NRP2: variants seen among roughly 807,000 people sequenced by gnomAD.
The protein encoded by NRP2 is neuropilin-2.
In NRP2, 52 loss-of-function variants were observed where a neutral mutation model predicts 110.4. The ratio of observed to expected loss-of-function variants is 0.47; its 90% confidence interval spans 0.38 to 0.59. The LOEUF (loss-of-function observed/expected upper bound fraction) is 0.59. NRP2 is among the 20% of genes least tolerant of loss of function. The pLI, the probability that NRP2 is intolerant of heterozygous loss-of-function variation, is 0.00. For synonymous variants in NRP2, 508 were observed against 468.9 expected (o/e 1.08, Z -1.08); for missense variants, 1,049 against 1,203.0 (o/e 0.87, Z 1.89).
At chr2:205,749,279 C>CCA (rs1465051248) in intron 10 of NRP2, among the ~76,000 whole-genome samples, 1 of 152,190 alleles carries the variant, frequency 6.6e-6, no homozygotes, top group Non-Finnish European at 1.5e-5. Context: ...CTTGAACTTG[C>CCA]CACACCCTGA....
chr2:205,740,176 G>T (rs1292410644), intron 7 of NRP2, among the ~76,000 whole-genome samples: 4 of 152,146 alleles, frequency 2.6e-5, no homozygotes, highest in South Asian at 4.1e-4. Context: ...CCTAAAAGAT[G>T]ATATTTTTAC....
intron 15 of NRP2, among the ~76,000 whole-genome samples, chr2:205,789,398 G>A (rs752996463): frequency 9.9e-5 from 15 of 152,052 alleles, no homozygotes; most frequent in South Asian, 4.1e-4. Context: ...TAGAGGTTTG[G>A]CCCATTCCAC....
At chr2:205,697,919 T>A in intron 2 of NRP2, 198 bp downstream of exon 2, 2 of 646,664 alleles carry the variant, frequency 3.1e-6, no homozygotes, top group Admixed American at 2.4e-5. Context: ...CACAGTATGG[T>A]GGAAAGAGCC....
chr2:205,791,306 C>T (rs2058299042), intron 15 of NRP2, among the ~76,000 whole-genome samples: 1 of 152,176 alleles, frequency 6.6e-6, no homozygotes, highest in Admixed American at 6.5e-5. Flanking sequence ...TCTGAGAGGG[C>T]CATACACATT....
chr2:205,734,402 C>A lies in NRP2; in HGVS notation c.1147-6117C>A, dbSNP rs528710550. Among the ~76,000 whole-genome samples, 4 of 139,856 alleles carry A rather than the reference C, an allele frequency of 2.9e-5. No individual in the cohort carries two copies. The East Asian group carries it at 7.9e-4, about 28-fold the overall frequency. The allele number at this position is 139,856 out of a possible 152,430, so 91.8% of individuals were successfully genotyped here. ...TGCCTTCATATCATTTCCCACCGCCCCCCCCCACCCCGCATCGCAACAGTT... is the reference window on the plus strand; with the variant it reads ...TGCCTTCATATCATTTCCCACCGCCACCCCCCACCCCGCATCGCAACAGTT... On this transcript the variant is annotated intron_variant, in intron 7 of 16. Coordinates refer to ENST00000357785, the MANE Select transcript of NRP2 (RefSeq NM_003872.3).
chr2:205,688,751 A>G (rs2056234571), intron 1 of NRP2, among the ~76,000 whole-genome samples: 1 of 152,126 alleles, frequency 6.6e-6, no homozygotes, highest in African/African-American at 2.4e-5. Flanking sequence ...TGAAAATGCT[A>G]CTCCTATCCA....
At chr2:205,708,036 T>C (rs1417719272) in intron 2 of NRP2, among the ~76,000 whole-genome samples, 2 of 152,204 alleles carry the variant, frequency 1.3e-5, no homozygotes, top group Admixed American at 6.5e-5. Flanking sequence ...CCTGCTGGGA[T>C]TCACCTTTAC....
chr2:205,722,577 C>T lies in NRP2; in HGVS notation c.533C>T (p.Thr178Ile), dbSNP rs1254868886. Residue 178 changes from threonine to isoleucine, a missense_variant, in exon 4 of 17, where the codon ACC (threonine) becomes ATC (isoleucine). Physicochemically the swap from Thr to Ile is moderately conservative, Grantham distance 89 (BLOSUM62 -1). Transcript: ENST00000357785. ...CCACACAACTTGGACTGCACCTTTACCATCCTGGCCAAACCCAAGATGGAG... is the reference window on the plus strand; with the variant it reads ...CCACACAACTTGGACTGCACCTTTATCATCCTGGCCAAACCCAAGATGGAG... ...KYPHNLDCTF[T>I]ILAKPKMEII... The T allele has an allele frequency of 6.2e-7, 1 of 1,614,196 alleles. No individual in the cohort carries two copies. Among genetic ancestry groups the T allele is most frequent in the Admixed American group, 1.7e-5 (1 of 60,020 alleles).
chr2:205,794,259 C>T (rs992175278), intron 16 of NRP2, among the ~76,000 whole-genome samples: 24 of 152,058 alleles, frequency 1.6e-4, no homozygotes, highest in Non-Finnish European at 2.9e-4. Flanking sequence ...TACAGGCGCC[C>T]GCCACCACGC....
chr2:205,767,496 G>T (rs560246302), intron 15 of NRP2: 3 of 495,966 alleles, frequency 6.0e-6, no homozygotes, highest in Non-Finnish European at 1.2e-5. Flanking sequence ...CTGAAAATCA[G>T]AAAGGACGTG....
chr2:205,683,659 A>T (rs1048008966), intron 1 of NRP2, among the ~76,000 whole-genome samples: 1 of 152,202 alleles, frequency 6.6e-6, no homozygotes, highest in Non-Finnish European at 1.5e-5. Flanking sequence ...TAAAAATACT[A>T]CAAAGCCTTT....
chr2:205,794,320 C>T (rs1264115628), intron 16 of NRP2, among the ~76,000 whole-genome samples: 2 of 152,130 alleles, frequency 1.3e-5, no homozygotes, highest in Non-Finnish European at 2.9e-5. Context: ...CCGTGTTAGC[C>T]AGGATGGTCT....
chr2:205,685,941 C>A (rs559851275), intron 1 of NRP2: 3 of 152,422 alleles, frequency 2.0e-5, no homozygotes, highest in Admixed American at 1.3e-4. Flanking sequence ...GCGCGCCCAG[C>A]GCCCGCCGGT....
rs776126431 is a variant in NRP2 at position 205,765,465 on chromosome 2, G to C, written c.2308-9G>C. The C allele has an allele frequency of 4.3e-6, 7 of 1,612,902 alleles. No individual in the cohort carries two copies. The highest frequency in any genetic ancestry group is 2.2e-5 in the South Asian group (2 of 91,040). ...AGTTAACCATGGCTCTTATTCTTCC[G>C]GCTTCTAGATTGTGTTCGAGGGAGT... On this transcript the variant is annotated splice_polypyrimidine_tract_variant and intron_variant, in intron 13 of 16. Transcript: ENST00000357785.
chr2:205,700,730 C>T (rs748134285), intron 2 of NRP2: 1 of 519,012 alleles, frequency 1.9e-6, no homozygotes, highest in Admixed American at 1.9e-5. Flanking sequence ...TGGAAAATTT[C>T]ACTCACAAGC....
chr2:205,705,629 A>T (rs1241874514), intron 2 of NRP2, among the ~76,000 whole-genome samples: 1 of 152,192 alleles, frequency 6.6e-6, no homozygotes, highest in African/African-American at 2.4e-5. Flanking sequence ...CTCTTGCCAG[A>T]CATCAGGTCC....
At chr2:205,752,686 C>T in intron 11 of NRP2, 149 bp from the exon 12 acceptor site, 2 of 835,462 alleles carry the variant, frequency 2.4e-6, no homozygotes, top group South Asian at 3.1e-5. Context: ...CCAGCGATCG[C>T]CAAGATGAGT....
intron 3 of NRP2, among the ~76,000 whole-genome samples, chr2:205,718,588 C>G (rs144656196): frequency 6.0e-4 from 92 of 152,292 alleles, no homozygotes; most frequent in African/African-American, 2.1e-3. Context: ...CTTCTCAGGG[C>G]CACTCGTACC....
intron 7 of NRP2, among the ~76,000 whole-genome samples, chr2:205,731,989 G>T (rs531637638): frequency 6.6e-6 from 1 of 152,346 alleles, no homozygotes; most frequent in South Asian, 2.1e-4. Context: ...GGAAACTGGA[G>T]CCTGCATGGA....
Sources: gnomAD v4.1 joint callset for allele counts (sites outside exome capture counted in the v4.1 genomes callset) on GRCh38, gnomAD v4.1.1 for gene constraint, MANE v1.5 for transcripts, NCBI Gene and HGNC (gene_info 2026-07-23, HGNC 2026-07-21) for gene names.